Variants in SKIL observed in about 807,000 individuals in gnomAD.
SKIL encodes the protein ski-like protein.
SKIL carries 20 observed loss-of-function variants against 69.6 expected under a neutral mutation model. The ratio of observed to expected loss-of-function variants is 0.29; its 90% confidence interval spans 0.20 to 0.42. The LOEUF (loss-of-function observed/expected upper bound fraction) is 0.42, where lower values mean the gene tolerates loss of function less well. Among genes scored for constraint, SKIL ranks in the 10% least tolerant of loss-of-function variants. SKIL has a pLI of 1.00. For missense variants in SKIL, 745 were observed against 783.1 expected, an observed-to-expected ratio of 0.95 and a Z score of 0.58; for synonymous variants, 310 against 279.9, an observed-to-expected ratio of 1.11 and a Z score of -1.08.
intron 2 of SKIL, among the ~76,000 whole-genome samples, chr3:170,367,681 C>T (rs1736608537): frequency 6.6e-6 from 1 of 151,006 alleles, no homozygotes; most frequent in Admixed American, 6.6e-5. Context: ...GTTGGCCAGG[C>T]TGGTCTCGAA....
intron 2 of SKIL, among the ~76,000 whole-genome samples, chr3:170,362,340 T>C (rs529815607): frequency 1.8e-4 from 27 of 151,932 alleles, no homozygotes; most frequent in Admixed American, 1.7e-3. Context: ...CCATCTCTAC[T>C]AAAAATACAA....
intron 2 of SKIL, among the ~76,000 whole-genome samples, chr3:170,379,657 TTTTTTGAGACGA>T (rs1229566839): frequency 6.6e-6 from 1 of 152,138 alleles, no homozygotes; most frequent in East Asian, 1.9e-4. Context: ...TTTTGTTTTG[TTTTTTGAGACGA>T]TTCTTGCTCT....
At chr3:170,370,204 A>C (rs1463638196) in intron 2 of SKIL, among the ~76,000 whole-genome samples, 1 of 152,096 alleles carries the variant, frequency 6.6e-6, no homozygotes, top group Admixed American at 6.5e-5. Context: ...GCGCCACTGC[A>C]CTCCAGCCTG....
chr3:170,370,567 C>T (rs765241022), intron 2 of SKIL, among the ~76,000 whole-genome samples: 1 of 149,392 alleles, frequency 6.7e-6, no homozygotes, highest in Non-Finnish European at 1.5e-5. Flanking sequence ...TCTAAGTGGC[C>T]CTATAAAGTT....
chr3:170,360,036 A>T lies in SKIL; in HGVS notation c.-296A>T. On this transcript the variant is annotated 5_prime_UTR_variant, in exon 2 of 7. Coordinates refer to ENST00000259119, the MANE Select transcript of SKIL (RefSeq NM_005414.5). The stretch of plus-strand genomic sequence containing the variant: ...ATTGAGAAATTGGTAACTTTATTTT[A>T]ATATGTATATCTGAAGAATTCAAGA... 4.0e-6 allele frequency: 1 copy of T among 248,532 alleles called. No homozygotes were observed. Among genetic ancestry groups the T allele is most frequent in the South Asian group, 1.1e-4 (1 of 8,770 alleles). The allele number at this position is 248,532 out of a possible 1,614,324, so 15.4% of individuals were successfully genotyped here.
intron 1 of SKIL, 153 bp from the exon 2 acceptor site, chr3:170,359,546 C>G (rs1306741648): frequency 4.0e-5 from 6 of 150,640 alleles, no homozygotes; most frequent in African/African-American, 1.5e-4. Context: ...TGCAGTATGC[C>G]GAGATCGCTG....
Position 170,394,150 on chromosome 3 carries a change from A to T in SKIL, c.*1733A>T, listed in dbSNP as rs1418853964. On this transcript the variant is annotated 3_prime_UTR_variant, in exon 7 of 7. Coordinates refer to ENST00000259119, the MANE Select transcript of SKIL (RefSeq NM_005414.5). ...TTTTTTTTTTTTTTTTTTTTTTGAG[A>T]CAGAGTCTCGCTGTCTCCCAGGCTG... The T allele has an allele frequency of 2.2e-5, 2 of 92,558 alleles. No individual in the cohort carries two copies. Among genetic ancestry groups the T allele is most frequent in the Non-Finnish European group, 3.6e-5 (2 of 55,148 alleles). 5.7% of individuals were successfully genotyped at this position (92,558 alleles called of 1,614,324 possible). A position where few individuals can be genotyped will look rare whatever the true frequency, so the allele number is the denominator to read the frequency against.
At chr3:170,365,421 C>A (rs1288311397) in intron 2 of SKIL, among the ~76,000 whole-genome samples, 1 of 152,138 alleles carries the variant, frequency 6.6e-6, no homozygotes, top group Non-Finnish European at 1.5e-5. Context: ...ATGGCACTCA[C>A]AGGAAATGCT....
chr3:170,387,974 A>G (rs1737735138), intron 4 of SKIL, among the ~76,000 whole-genome samples: 1 of 150,356 alleles, frequency 6.7e-6, no homozygotes, highest in African/African-American at 2.4e-5. Flanking sequence ...TGCTGCTATA[A>G]ATACTTGTGT....
At chr3:170,373,687 C>G (rs1030408160) in intron 2 of SKIL, among the ~76,000 whole-genome samples, 1 of 152,122 alleles carries the variant, frequency 6.6e-6, no homozygotes, top group South Asian at 2.1e-4. Context: ...AAAATAAGTT[C>G]CAGCTTGGGC....
rs563421035 is a variant in SKIL, at chr3:170,385,271, T to G, written c.1429+506T>G. ...TAAAAAAAAAAATTTTTTTTTTTTT[T>G]TTTGTAGAGATGGTCTTGGTATGTT... is the stretch of plus-strand genomic sequence containing the variant. On this transcript the variant is annotated intron_variant, in intron 4 of 6. Transcript: ENST00000259119. Among the ~76,000 whole-genome samples the G allele has an allele frequency of 2.8e-4, 43 of 150,970 alleles. No individual in the cohort carries two copies. The South Asian group carries it at 8.6e-3, about 30-fold the overall frequency.
chr3:170,368,504 A>T (rs888797063), intron 2 of SKIL, among the ~76,000 whole-genome samples: 3 of 152,196 alleles, frequency 2.0e-5, no homozygotes, highest in African/African-American at 7.2e-5. Flanking sequence ...AAACAGATAC[A>T]ATTTGCACAT....
At position 170,393,657 on chromosome 3, in the gene SKIL, A is replaced by G. The variant is rs1252296098; in HGVS notation, c.*1240A>G. ...GTTAATTCTTGGCTCAAAATATATT[A>G]GGTAAAATTCTTAGATCTGTTTTTA... On this transcript the variant is annotated 3_prime_UTR_variant, in exon 7 of 7. Transcript: ENST00000259119. The G allele has an allele frequency of 6.6e-6, 1 of 152,182 alleles. No homozygotes were observed. The highest frequency in any genetic ancestry group is 2.4e-5 in the African/African-American group (1 of 41,460). The allele number at this position is 152,182 out of a possible 1,614,324, so 9.4% of individuals were successfully genotyped here.
At chr3:170,387,933 C>CAA (rs541166783) in intron 4 of SKIL, among the ~76,000 whole-genome samples, 22,370 of 50,812 alleles carry the variant, frequency 0.44, 6,835 homozygotes, top group Non-Finnish European at 0.47. Context: ...GACTCCGTCT[C>CAA]AAAAAAAAAA....
rs147203229 is a variant in SKIL at position 170,377,147 on chromosome 3, A to G, written c.1099-4097A>G. Among the ~76,000 whole-genome samples the G allele has an allele frequency of 1.4e-3, 219 of 152,296 alleles. 5 individuals are homozygous for G. The East Asian group carries it at 0.031, about 21-fold the overall frequency. ...TAACTAAGCTATAGGCTGAGGAACT[A>G]TGTAAATAAGTGATCAGTTTGTTTT... On this transcript the variant is annotated intron_variant, in intron 2 of 6. Transcript: ENST00000259119.
intron 4 of SKIL, among the ~76,000 whole-genome samples, chr3:170,386,604 A>G (rs1002559636): frequency 1.2e-4 from 19 of 152,044 alleles, no homozygotes; most frequent in African/African-American, 4.6e-4. Context: ...AGTAGCTAGG[A>G]CTACAGGCAT....
At chr3:170,366,281 T>C (rs1393379405) in intron 2 of SKIL, among the ~76,000 whole-genome samples, 1 of 152,108 alleles carries the variant, frequency 6.6e-6, no homozygotes, top group Non-Finnish European at 1.5e-5. Context: ...TACATTTTAA[T>C]GTTAATAAGT....
At chr3:170,390,663 T>G (rs1265748137) in intron 5 of SKIL, among the ~76,000 whole-genome samples, 199 bp downstream of exon 5, 1 of 152,170 alleles carries the variant, frequency 6.6e-6, no homozygotes, top group Admixed American at 6.5e-5. Context: ...AATTTTGTAT[T>G]CTTAGTAGAG....
At chr3:170,383,792 C>CA (rs371409825) in intron 3 of SKIL, among the ~76,000 whole-genome samples, 284 of 152,238 alleles carry the variant, frequency 1.9e-3, no homozygotes, top group African/African-American at 6.6e-3. Flanking sequence ...CATAGCCTTG[C>CA]AGTCTGCCAC....
Sources: gnomAD v4.1 joint callset for allele counts (sites outside exome capture counted in the v4.1 genomes callset) on GRCh38, gnomAD v4.1.1 for gene constraint, MANE v1.5 for transcripts, NCBI Gene and HGNC (gene_info 2026-07-23, HGNC 2026-07-21) for gene names.